Variants in ARHGAP24 observed in about 807,000 individuals in gnomAD.
ARHGAP24 encodes Rho GTPase activating protein 24, also known as rho GTPase-activating protein 24.
ARHGAP24 carries 50 observed loss-of-function variants against 76.4 expected under a neutral mutation model. The ratio of observed to expected loss-of-function variants is 0.65; its 90% CI spans 0.52 to 0.83. ARHGAP24 has a LOEUF of 0.83. Among genes scored for constraint, ARHGAP24 ranks in the 40% least tolerant of loss-of-function variants. ARHGAP24 has a pLI of 0.00. For synonymous variants in ARHGAP24, 345 were observed against 323.3 expected, an observed-to-expected ratio of 1.07 and a Z score of -0.72; for missense variants, 930 against 914.2, an observed-to-expected ratio of 1.02 and a Z score of -0.22.
chr4:85,846,394 T>TTTA (rs1437076471), intron 3 of ARHGAP24, among the ~76,000 whole-genome samples: 4 of 152,198 alleles, frequency 2.6e-5, no homozygotes, highest in African/African-American at 4.8e-5. Context: ...CAGGGTTTTT[T>TTTA]TTATTATTAT....
intron 1 of ARHGAP24, among the ~76,000 whole-genome samples, chr4:85,518,824 CA>C (rs1724623093): frequency 6.6e-6 from 1 of 152,168 alleles, no homozygotes; most frequent in South Asian, 2.1e-4. Context: ...CTGCTATAAA[CA>C]TGTGTGTGCA....
chr4:85,512,233 A>G (rs547524743), intron 1 of ARHGAP24, among the ~76,000 whole-genome samples: 12 of 152,368 alleles, frequency 7.9e-5, no homozygotes, highest in African/African-American at 2.4e-4. Context: ...CTGAGCCTCA[A>G]CTGTAACGTA....
chr4:85,713,473 AT>A (rs1015778094), intron 2 of ARHGAP24, among the ~76,000 whole-genome samples: 3 of 152,054 alleles, frequency 2.0e-5, no homozygotes, highest in Non-Finnish European at 2.9e-5. Flanking sequence ...TAACAGTTTC[AT>A]TTTTTTCTAA....
intron 3 of ARHGAP24, among the ~76,000 whole-genome samples, chr4:85,858,232 T>C (rs2110172531): frequency 6.6e-6 from 1 of 152,272 alleles, no homozygotes; most frequent in Admixed American, 6.5e-5. Context: ...AACTCTAACA[T>C]TTGTGAAACA....
At chr4:85,549,764 C>G (rs1052516332) in intron 1 of ARHGAP24, among the ~76,000 whole-genome samples, 13 of 152,254 alleles carry the variant, frequency 8.5e-5, no homozygotes, top group South Asian at 4.1e-4. Context: ...TGCTCCCTCC[C>G]TCTACCCTCA....
At chr4:85,642,340 C>G (rs1721553879) in intron 2 of ARHGAP24, among the ~76,000 whole-genome samples, 1 of 152,072 alleles carries the variant, frequency 6.6e-6, no homozygotes, top group Non-Finnish European at 1.5e-5. Context: ...ATTATAATCT[C>G]ACACACCTGA....
At chr4:85,939,089 T>A (rs566416685) in intron 4 of ARHGAP24, among the ~76,000 whole-genome samples, 124 of 152,334 alleles carry the variant, frequency 8.1e-4, no homozygotes, top group Non-Finnish European at 1.0e-3. Context: ...TTGACCTTTC[T>A]GTGCTTCAAG....
chr4:85,571,868 CA>C (rs1727153337), intron 2 of ARHGAP24, among the ~76,000 whole-genome samples: 1 of 152,082 alleles, frequency 6.6e-6, no homozygotes, highest in Admixed American at 6.6e-5. Flanking sequence ...GCAGATTACC[CA>C]AAGTTAAACA....
intron 3 of ARHGAP24, among the ~76,000 whole-genome samples, chr4:85,804,750 T>C (rs1728721179): frequency 6.6e-6 from 1 of 152,224 alleles, no homozygotes; most frequent in African/African-American, 2.4e-5. Context: ...ATGTAAGCTT[T>C]CTATTCTAAC....
At chr4:85,841,883 T>C (rs1232888110) in intron 3 of ARHGAP24, among the ~76,000 whole-genome samples, 1 of 152,140 alleles carries the variant, frequency 6.6e-6, no homozygotes, top group Non-Finnish European at 1.5e-5. Context: ...CAATAATAAA[T>C]AATAGAGTTT....
intron 2 of ARHGAP24, among the ~76,000 whole-genome samples, chr4:85,585,158 A>G (rs1002173785): frequency 6.6e-6 from 1 of 152,236 alleles, no homozygotes; most frequent in Non-Finnish European, 1.5e-5. Context: ...CATCAATGCC[A>G]TGCAATATAA....
chr4:85,537,501 C>T (rs1027648098), intron 1 of ARHGAP24, among the ~76,000 whole-genome samples: 3 of 152,050 alleles, frequency 2.0e-5, no homozygotes, highest in Non-Finnish European at 4.4e-5. Flanking sequence ...TAGCAGATTC[C>T]TGTAGGGAAA....
chr4:85,954,090 ACC>A (rs1348395671), intron 5 of ARHGAP24, among the ~76,000 whole-genome samples: 1 of 152,196 alleles, frequency 6.6e-6, no homozygotes, highest in Admixed American at 6.5e-5. Context: ...AACCCATTTG[ACC>A]ACCATTGCAT....
At chr4:85,984,845 T>C (rs796914372) in intron 8 of ARHGAP24, among the ~76,000 whole-genome samples, 8 of 152,270 alleles carry the variant, frequency 5.3e-5, no homozygotes, top group African/African-American at 1.9e-4. Flanking sequence ...TTTTTCAAGA[T>C]GGAGTCTCAC....
At chr4:85,856,419 T>A (rs1351269779) in intron 3 of ARHGAP24, among the ~76,000 whole-genome samples, 1 of 151,788 alleles carries the variant, frequency 6.6e-6, no homozygotes, top group East Asian at 1.9e-4. Context: ...CTTTTTACAA[T>A]GAACATATGA....
chr4:85,976,337 G>A (rs111761523), intron 7 of ARHGAP24, among the ~76,000 whole-genome samples: 15 of 152,120 alleles, frequency 9.9e-5, no homozygotes, highest in Non-Finnish European at 1.9e-4. Flanking sequence ...ACGGCCTCTG[G>A]TGTCACATCC....
intron 5 of ARHGAP24, among the ~76,000 whole-genome samples, chr4:85,960,970 A>T (rs1355549363): frequency 6.6e-6 from 1 of 152,176 alleles, no homozygotes; most frequent in African/African-American, 2.4e-5. Context: ...AAGCAATAAT[A>T]ACAAGAACCA....
chr4:85,755,106 A>AACCTGTTG (rs1726423935), intron 3 of ARHGAP24, among the ~76,000 whole-genome samples: 1 of 152,222 alleles, frequency 6.6e-6, no homozygotes, highest in East Asian at 1.9e-4. Flanking sequence ...TAAGTGAAGG[A>AACCTGTTG]ACCTGTTGCG....
intron 2 of ARHGAP24, among the ~76,000 whole-genome samples, chr4:85,665,051 T>G (rs1248037872): frequency 1.3e-5 from 2 of 152,148 alleles, no homozygotes; most frequent in East Asian, 3.9e-4. Flanking sequence ...AGAGCTGAGT[T>G]CAATTCCTGG....
Sources: gnomAD v4.1 joint callset for allele counts (sites outside exome capture counted in the v4.1 genomes callset) on GRCh38, gnomAD v4.1.1 for gene constraint, MANE v1.5 for transcripts, NCBI Gene and HGNC (gene_info 2026-07-23, HGNC 2026-07-21) for gene names.